Variants in PIWIL2 observed in about 807,000 individuals in gnomAD.
PIWIL2 encodes piwi like RNA-mediated gene silencing 2, also known as piwi-like protein 2.
In PIWIL2, 81 loss-of-function variants were observed where a neutral mutation model predicts 116.5. The observed-to-expected ratio is 0.70, with a 90% CI of 0.58 to 0.84. PIWIL2 has a LOEUF of 0.84. PIWIL2 is among the 40% of genes least tolerant of loss of function. The pLI is 0.00. For synonymous variants in PIWIL2, 489 were observed against 429.5 expected, an observed-to-expected ratio of 1.14 and a Z score of -1.71; for missense variants, 1,272 against 1,212.3, an observed-to-expected ratio of 1.05 and a Z score of -0.73.
intron 9 of PIWIL2, 100 bp downstream of exon 9, chr8:22,290,027 G>C: frequency 1.2e-6 from 1 of 808,120 alleles, no homozygotes; most frequent in Non-Finnish European, 2.1e-6. Context: ...AGTAGTTTAT[G>C]GTAGTGAATA....
intron 20 of PIWIL2, among the ~76,000 whole-genome samples, chr8:22,319,050 G>A (rs1447316119): frequency 6.6e-6 from 1 of 152,206 alleles, no homozygotes; most frequent in East Asian, 1.9e-4. Flanking sequence ...GCTGATACTG[G>A]ATCTAGAACA....
At chr8:22,300,221 G>T (rs540332313) in intron 10 of PIWIL2, among the ~76,000 whole-genome samples, 8 of 152,212 alleles carry the variant, frequency 5.3e-5, no homozygotes, top group African/African-American at 1.7e-4. Context: ...TAGGCATAAG[G>T]GGGGCGAGGA....
At chr8:22,349,591 ATCCACTG>A (rs1327204845) in intron 20 of PIWIL2, among the ~76,000 whole-genome samples, 1 of 151,898 alleles carries the variant, frequency 6.6e-6, no homozygotes, top group Non-Finnish European at 1.5e-5. Flanking sequence ...CTGACCCCAA[ATCCACTG>A]TACTGTCTGT....
At chr8:22,327,291 C>A (rs1831746918) in intron 20 of PIWIL2, among the ~76,000 whole-genome samples, 1 of 151,156 alleles carries the variant, frequency 6.6e-6, no homozygotes, top group African/African-American at 2.4e-5. Context: ...CCCAGCTCAG[C>A]CTCCCAAAGT....
chr8:22,319,633 A>G (rs929433036), intron 20 of PIWIL2, among the ~76,000 whole-genome samples: 11 of 152,208 alleles, frequency 7.2e-5, no homozygotes, highest in African/African-American at 2.7e-4. Flanking sequence ...TGATGTTCAC[A>G]ATCAGGAACT....
chr8:22,355,607 A>T lies in PIWIL2; in HGVS notation c.*102A>T. 2 of 1,059,964 alleles carry T rather than the reference A, an allele frequency of 1.9e-6. No individual in the cohort carries two copies. The highest frequency in any genetic ancestry group is 2.7e-6 in the Non-Finnish European group (2 of 728,012). 65.7% of individuals were successfully genotyped at this position (1,059,964 alleles called of 1,614,324 possible). A position where few individuals can be genotyped will look rare whatever the true frequency, so the allele number is the denominator to read the frequency against. On this transcript the variant is annotated 3_prime_UTR_variant, in exon 23 of 23. Coordinates refer to ENST00000356766, the MANE Select transcript of PIWIL2 (RefSeq NM_018068.5). ...AGACTGAAGTGGGCTTTTGTGTTAT[A>T]ATTTTCCCTTTCTCCAACCCTGTAG...
At position 22,357,522 on chromosome 8, in the gene PIWIL2, C is replaced by G. The variant is rs1231411849; in HGVS notation, c.*2017C>G. 6.6e-6 allele frequency: 1 copy of G among 151,956 alleles called. No individual in the cohort carries two copies. The highest frequency in any genetic ancestry group is 6.6e-5 in the Admixed American group (1 of 15,256). 9.4% of individuals were successfully genotyped at this position (151,956 alleles called of 1,614,324 possible). The stretch of plus-strand genomic sequence containing the variant: ...TTGCCTCGTTTTTCGGTTTTAATGC[C>G]AAATGATTGGGTCATGGGGTGGGAA... On this transcript the variant is annotated 3_prime_UTR_variant, in exon 23 of 23. Transcript: ENST00000356766.
At chr8:22,335,621 C>CA (rs556036833) in intron 20 of PIWIL2, among the ~76,000 whole-genome samples, 150 of 147,258 alleles carry the variant, frequency 1.0e-3, no homozygotes, top group African/African-American at 3.5e-3. Context: ...GATCTCGGCT[C>CA]ACTGCAGCGT....
At chr8:22,293,820 C>A (rs1830821658) in intron 10 of PIWIL2, among the ~76,000 whole-genome samples, 1 of 152,164 alleles carries the variant, frequency 6.6e-6, no homozygotes, top group South Asian at 2.1e-4. Flanking sequence ...TAATGTGATT[C>A]TATCTAAAAT....
At chr8:22,353,579 C>T (rs184210749) in intron 21 of PIWIL2, among the ~76,000 whole-genome samples, 9 of 151,950 alleles carry the variant, frequency 5.9e-5, no homozygotes, top group Admixed American at 1.3e-4. Context: ...ACCTAGGAGG[C>T]GGAGGTTGCA....
At chr8:22,307,019 T>A (rs140814726) in intron 13 of PIWIL2, among the ~76,000 whole-genome samples, 20 of 152,282 alleles carry the variant, frequency 1.3e-4, no homozygotes, top group African/African-American at 4.8e-4. Context: ...TATAAATGAG[T>A]CAAACACCAT....
rs1044047622 is a variant in PIWIL2 at position 22,311,394 on chromosome 8, A to C, written c.1989+94A>C. On this transcript the variant is annotated intron_variant, in intron 16 of 22. Transcript: ENST00000356766. ...TATCATGGTTATCAGTCTGCTGTTG[A>C]TGATGCCCTAGAACTTGTCTTACCC... 1.6e-5 allele frequency: 16 copies of C among 986,176 alleles called. No individual in the cohort carries two copies. The Middle Eastern group carries it at 1.2e-3, about 76-fold the overall frequency. 61.1% of individuals were successfully genotyped at this position (986,176 alleles called of 1,614,324 possible).
At chr8:22,312,637 G>A (rs1831361038) in intron 16 of PIWIL2, among the ~76,000 whole-genome samples, 1 of 152,034 alleles carries the variant, frequency 6.6e-6, no homozygotes, top group Non-Finnish European at 1.5e-5. Flanking sequence ...TCTTTGGTGT[G>A]TTTCTCTCTC....
At chr8:22,288,444 C>A in intron 7 of PIWIL2, 98 bp from the exon 8 acceptor site, 2 of 881,776 alleles carry the variant, frequency 2.3e-6, no homozygotes, top group Non-Finnish European at 3.4e-6. Flanking sequence ...TTTTAAGATA[C>A]TTTAGTGTTC....
At chr8:22,294,074 A>G (rs544643950) in intron 10 of PIWIL2, among the ~76,000 whole-genome samples, 98 of 152,250 alleles carry the variant, frequency 6.4e-4, no homozygotes, top group Non-Finnish European at 9.4e-4. Flanking sequence ...GCGGTGGCTC[A>G]CCTCTGTAAT....
intron 20 of PIWIL2, among the ~76,000 whole-genome samples, chr8:22,351,443 A>G (rs1340974568): frequency 3.5e-5 from 1 of 28,610 alleles, no homozygotes; most frequent in African/African-American, 2.0e-4. Flanking sequence ...ATACATACAT[A>G]TATATATATA....
intron 20 of PIWIL2, among the ~76,000 whole-genome samples, chr8:22,328,405 G>A (rs1357030734): frequency 1.3e-5 from 2 of 152,040 alleles, no homozygotes; most frequent in East Asian, 3.9e-4. Flanking sequence ...TATTGTTTTT[G>A]CTATTCAGTG....
intron 20 of PIWIL2, among the ~76,000 whole-genome samples, chr8:22,327,823 C>A (rs897998214): frequency 6.6e-6 from 1 of 152,036 alleles, no homozygotes; most frequent in Admixed American, 6.6e-5. Context: ...GTTGTTGAGT[C>A]GTAGGAGTTT....
intron 13 of PIWIL2, 100 bp downstream of exon 13, chr8:22,306,116 T>C: frequency 1.3e-6 from 1 of 779,922 alleles, no homozygotes; most frequent in East Asian, 2.5e-5. Flanking sequence ...ACTCTGATGT[T>C]GGCTTGCATT....
Sources: gnomAD v4.1 joint callset for allele counts (sites outside exome capture counted in the v4.1 genomes callset) on GRCh38, gnomAD v4.1.1 for gene constraint, MANE v1.5 for transcripts, NCBI Gene and HGNC (gene_info 2026-07-23, HGNC 2026-07-21) for gene names.